The following AGBL1 variants were observed in gnomAD, a reference collection of about 807,000 sequenced individuals.
The protein encoded by AGBL1 is AGBL carboxypeptidase 1, also known as cytosolic carboxypeptidase 4.
Under a neutral mutation model 118.9 loss-of-function variants are expected in AGBL1, and 130 were observed. That is an observed-to-expected ratio of 1.09 (90% CI 0.95 to 1.26). The LOEUF is 1.26. AGBL1 is among the 50% of genes most tolerant of loss of function. The pLI, the probability that AGBL1 is intolerant of heterozygous loss-of-function variation, is 0.00. For synonymous variants in AGBL1, 555 were observed against 478.9 expected, an observed-to-expected ratio of 1.16 and a Z score of -2.08; for missense variants, 1,584 against 1,298.1, an observed-to-expected ratio of 1.22 and a Z score of -3.38.
rs185782124 is a variant in AGBL1, at chr15:86,517,861, C to T, written c.2556-4949C>T. ...GAAAGCTCTGGGTGCAGTGTCTGGC[C>T]GATAGTCCCCCATGCTCTTCGTCGT... On this transcript the variant is annotated intron_variant, in intron 18 of 22. Coordinates refer to ENST00000614907, the MANE Select transcript of AGBL1 (RefSeq NM_001386094.1). 2.6e-5 allele frequency among the ~76,000 whole-genome samples: 4 copies of T among 152,272 alleles called. No individual in the cohort carries two copies. The East Asian group carries it at 5.8e-4, about 22-fold the overall frequency.
intron 22 of AGBL1, among the ~76,000 whole-genome samples, chr15:86,746,112 T>C (rs1022593130): frequency 1.3e-5 from 2 of 151,982 alleles, no homozygotes; most frequent in South Asian, 2.1e-4. Context: ...TTTTCTCCCT[T>C]CCCTGAAGTC....
chr15:86,759,372 C>G (rs529550686), intron 22 of AGBL1, among the ~76,000 whole-genome samples: 22 of 152,146 alleles, frequency 1.4e-4, no homozygotes, highest in African/African-American at 4.8e-4. Context: ...CCCTCTTAGT[C>G]TGTTTTCTCA....
At chr15:86,898,262 A>G (rs1339495885) in intron 22 of AGBL1, among the ~76,000 whole-genome samples, 2 of 152,154 alleles carry the variant, frequency 1.3e-5, no homozygotes, top group East Asian at 1.9e-4. Context: ...TGTCTTTGTC[A>G]TGAAATCTTT....
intron 22 of AGBL1, among the ~76,000 whole-genome samples, chr15:86,786,249 CT>C (rs2078411233): frequency 6.6e-6 from 1 of 151,978 alleles, no homozygotes; most frequent in African/African-American, 2.4e-5. Context: ...AAAGCTATCC[CT>C]CCCCCTTCCC....
At chr15:86,428,711 G>T (rs1245683026) in intron 18 of AGBL1, among the ~76,000 whole-genome samples, 1 of 152,156 alleles carries the variant, frequency 6.6e-6, no homozygotes, top group Non-Finnish European at 1.5e-5. Flanking sequence ...CAATAATAGA[G>T]TTCGCAGAAT....
At chr15:86,560,379 A>G (rs1278442500) in intron 21 of AGBL1, among the ~76,000 whole-genome samples, 1 of 147,806 alleles carries the variant, frequency 6.8e-6, no homozygotes, top group African/African-American at 2.5e-5. Flanking sequence ...TATGAGTGAG[A>G]ACTTGTGGTG....
chr15:86,546,545 C>A (rs1276703108), intron 20 of AGBL1, among the ~76,000 whole-genome samples: 4 of 152,112 alleles, frequency 2.6e-5, no homozygotes, highest in African/African-American at 9.7e-5. Flanking sequence ...TGTTACATAG[C>A]TTATGGAAGG....
In AGBL1 at chr15:86,827,489, G is replaced by GTATATATA. The variant is rs1218247459; in HGVS notation, c.3159-79573_3159-79566dup. Among the ~76,000 whole-genome samples, 3 of 3,312 alleles carry GTATATATA rather than the reference G, an allele frequency of 9.1e-4. 1 individual carries two copies. The highest frequency in any genetic ancestry group is 3.1e-3 in the African/African-American group (3 of 954). 2.2% of individuals were successfully genotyped at this position (3,312 alleles called of 152,430 possible). A position where few individuals can be genotyped will look rare whatever the true frequency, so the allele number is the denominator to read the frequency against. ...TATATACATATATATATATATGTGTGTATATATATATATATATATATATAT... is the reference window on the plus strand; with the variant it reads ...TATATACATATATATATATATGTGTGTATATATATATATATATATATATATATATATAT... On this transcript the variant is annotated intron_variant, in intron 22 of 22. Transcript: ENST00000614907.
At chr15:86,697,783 T>C (rs544060298) in intron 22 of AGBL1, among the ~76,000 whole-genome samples, 2 of 152,060 alleles carry the variant, frequency 1.3e-5, no homozygotes, top group South Asian at 2.1e-4. Context: ...GGTTGTTCCT[T>C]TGATGTAATA....
At chr15:86,352,574 C>G (rs1028918534) in intron 17 of AGBL1, among the ~76,000 whole-genome samples, 2 of 151,974 alleles carry the variant, frequency 1.3e-5, no homozygotes, top group African/African-American at 4.8e-5. Context: ...CTCTGCCTCC[C>G]GGGTTAAAGC....
At chr15:86,382,193 T>G (rs200493300) in intron 17 of AGBL1, among the ~76,000 whole-genome samples, 46,073 of 151,776 alleles carry the variant, frequency 0.3, 7,571 homozygotes, top group East Asian at 0.73. Flanking sequence ...TGTGCAGGGT[T>G]GACACATCTT....
At chr15:86,357,259 T>C (rs1193264660) in intron 17 of AGBL1, among the ~76,000 whole-genome samples, 8 of 152,224 alleles carry the variant, frequency 5.3e-5, no homozygotes, top group Admixed American at 5.2e-4. Context: ...GAAAGAATTT[T>C]CTTCCAGTTA....
intron 17 of AGBL1, among the ~76,000 whole-genome samples, chr15:86,330,040 T>G (rs1210930541): frequency 6.6e-6 from 1 of 152,220 alleles, no homozygotes; most frequent in African/African-American, 2.4e-5. Context: ...GGCTGCTCGT[T>G]GGATTCTCCC....
At chr15:86,901,275 T>G (rs1171187389) in intron 22 of AGBL1, among the ~76,000 whole-genome samples, 1 of 152,162 alleles carries the variant, frequency 6.6e-6, no homozygotes, top group African/African-American at 2.4e-5. Context: ...TAGAAAGAAT[T>G]CCATCATAAG....
chr15:86,796,615 G>A (rs1437018138), intron 22 of AGBL1, among the ~76,000 whole-genome samples: 1 of 152,152 alleles, frequency 6.6e-6, no homozygotes, highest in Non-Finnish European at 1.5e-5. Flanking sequence ...CTCTGAAATG[G>A]CTTTGTTTGG....
chr15:86,581,804 A>G (rs1331488281), intron 21 of AGBL1, among the ~76,000 whole-genome samples: 1 of 152,180 alleles, frequency 6.6e-6, no homozygotes, highest in South Asian at 2.1e-4. Flanking sequence ...GTCAGGAAAT[A>G]TAAAATAAAT....
rs187048017 is a variant in AGBL1 at position 87,006,690 on chromosome 15, C to T, written c.3323+18602C>T. On this transcript the variant is annotated intron_variant, in intron 24 of 24. Coordinates refer to the AGBL1 transcript ENST00000441037. ...TTTGGCTCATGCTTTGTGCACTGCACCCACTGTCCAACAAGCCCCAGTGAG... is the reference window on the plus strand; with the variant it reads ...TTTGGCTCATGCTTTGTGCACTGCATCCACTGTCCAACAAGCCCCAGTGAG... 3.4e-3 allele frequency among the ~76,000 whole-genome samples: 516 copies of T among 152,252 alleles called. 9 individuals are homozygous for T. The highest frequency in any genetic ancestry group is 0.012 in the African/African-American group (482 of 41,546).
intron 22 of AGBL1, among the ~76,000 whole-genome samples, chr15:86,885,429 C>T (rs1428765671): frequency 6.6e-6 from 1 of 152,114 alleles, no homozygotes; most frequent in East Asian, 1.9e-4. Context: ...GGAGTCCATT[C>T]TAAATACTTC....
chr15:86,603,778 T>A (rs2084532628), intron 21 of AGBL1, among the ~76,000 whole-genome samples: 1 of 152,196 alleles, frequency 6.6e-6, no homozygotes, highest in Non-Finnish European at 1.5e-5. Context: ...TATCCTTTAG[T>A]GGAAGGAACC....
Sources: allele counts gnomAD v4.1 joint callset (sites outside exome capture counted in the v4.1 genomes callset), GRCh38; gene constraint gnomAD v4.1.1; transcripts MANE v1.5; gene names NCBI Gene and HGNC (gene_info 2026-07-23, HGNC 2026-07-21).